Variants in SH2D4A observed in about 807,000 individuals in gnomAD.
The protein encoded by SH2D4A is SH2 domain containing 4A, also known as SH2 domain-containing protein 4A.
A neutral mutation model predicts 64.7 loss-of-function variants in SH2D4A; 70 were observed. The ratio of observed to expected loss-of-function variants is 1.08; its 90% CI spans 0.89 to 1.32. The LOEUF (loss-of-function observed/expected upper bound fraction) is 1.32, where lower values mean the gene tolerates loss of function less well. Ranked by LOEUF, SH2D4A falls within the 40% of genes most tolerant of loss-of-function variation. The pLI is 0.00. For missense variants in SH2D4A, 706 were observed against 540.1 expected (o/e 1.31, Z -3.04); for synonymous variants, 268 against 200.7 (o/e 1.34, Z -2.83).
At chr8:19,377,514 T>C (rs922322741) in intron 8 of SH2D4A, among the ~76,000 whole-genome samples, 3 of 152,244 alleles carry the variant, frequency 2.0e-5, no homozygotes, top group African/African-American at 7.2e-5. Flanking sequence ...GCTGTAAACA[T>C]ATATATTGTA....
chr8:19,317,616 G>T (rs779749331), intron 1 of SH2D4A, among the ~76,000 whole-genome samples: 1 of 152,162 alleles, frequency 6.6e-6, no homozygotes, highest in Non-Finnish European at 1.5e-5. Context: ...CAAAAGACAG[G>T]TGTAAATCAA....
At chr8:19,364,451 C>T (rs935812820) in intron 7 of SH2D4A, among the ~76,000 whole-genome samples, 169 bp downstream of exon 7, 18 of 152,090 alleles carry the variant, frequency 1.2e-4, no homozygotes, top group African/African-American at 3.6e-4. Context: ...GTGATCTGGG[C>T]GGGCATTCCT....
At chr8:19,357,098 A>T in intron 4 of SH2D4A, 105 bp from the exon 5 acceptor site, 1 of 864,832 alleles carries the variant, frequency 1.2e-6, no homozygotes, top group South Asian at 1.6e-5. Context: ...ATCCATCTGT[A>T]GGGGCGGGGG....
At chr8:19,374,234 T>A (rs2053157795) in intron 8 of SH2D4A, among the ~76,000 whole-genome samples, 1 of 152,172 alleles carries the variant, frequency 6.6e-6, no homozygotes, top group Non-Finnish European at 1.5e-5. Flanking sequence ...TGAGCAGATA[T>A]CAGCTAGTAA....
chr8:19,363,647 C>T (rs1354370692), intron 6 of SH2D4A, among the ~76,000 whole-genome samples: 1 of 152,142 alleles, frequency 6.6e-6, no homozygotes, highest in African/African-American at 2.4e-5. Context: ...GTCCTGATCT[C>T]TGCTAGTGAG....
intron 1 of SH2D4A, among the ~76,000 whole-genome samples, chr8:19,314,826 A>G (rs1563179508): frequency 6.6e-6 from 1 of 152,218 alleles, no homozygotes; most frequent in Non-Finnish European, 1.5e-5. Flanking sequence ...TTTCTGAAGA[A>G]TAGTATATAT....
At chr8:19,391,290 G>A (rs77366669) in intron 8 of SH2D4A, among the ~76,000 whole-genome samples, 2,520 of 152,234 alleles carry the variant, frequency 0.017, 88 homozygotes, top group African/African-American at 0.058. Context: ...GGAGCAGCCC[G>A]TATCTGTTGG....
chr8:19,339,247 G>A (rs1674699113), intron 4 of SH2D4A, among the ~76,000 whole-genome samples: 2 of 152,198 alleles, frequency 1.3e-5, no homozygotes, highest in Admixed American at 6.5e-5. Flanking sequence ...CACACTGGCA[G>A]CTAATTAGAT....
intron 6 of SH2D4A, among the ~76,000 whole-genome samples, chr8:19,362,218 A>T (rs970162869): frequency 2.6e-5 from 4 of 152,218 alleles, no homozygotes; most frequent in African/African-American, 9.6e-5. Flanking sequence ...TATTTGCAAG[A>T]TCCAGTAGGC....
intron 8 of SH2D4A, among the ~76,000 whole-genome samples, chr8:19,374,315 C>T (rs764510341): frequency 5.3e-5 from 8 of 152,126 alleles, no homozygotes; most frequent in Non-Finnish European, 8.8e-5. Context: ...TTCACAGGCC[C>T]CTCTGTTTCT....
chr8:19,329,084 A>G (rs1396660178), intron 2 of SH2D4A, among the ~76,000 whole-genome samples: 4 of 151,902 alleles, frequency 2.6e-5, no homozygotes, highest in Non-Finnish European at 4.4e-5. Context: ...CTCATTTCCT[A>G]TTGCCCATGG....
In SH2D4A at chr8:19,363,993, C is replaced by G. The variant is rs1399356743; in HGVS notation, c.707-79C>G. 9.5e-6 allele frequency: 13 copies of G among 1,362,506 alleles called. No individual in the cohort carries two copies. In the African/African-American group the frequency reaches 1.0e-4, roughly 11 times the overall value. The allele number at this position is 1,362,506 out of a possible 1,614,324, so 84.4% of individuals were successfully genotyped here. ...ACTGCTGAGAACCTGCGCTGCTGCC[C>G]GTTGTGCAATGAATGCTGAGCCTTC... On this transcript the variant is annotated intron_variant, in intron 6 of 9. Transcript: ENST00000265807.
At chr8:19,328,653 T>C (rs987448866) in intron 2 of SH2D4A, among the ~76,000 whole-genome samples, 2 of 152,208 alleles carry the variant, frequency 1.3e-5, no homozygotes, top group Non-Finnish European at 2.9e-5. Context: ...CTGTATATAC[T>C]GACATGCGGA....
chr8:19,337,031 C>T (rs935798478), intron 4 of SH2D4A, among the ~76,000 whole-genome samples: 2 of 152,006 alleles, frequency 1.3e-5, no homozygotes, highest in African/African-American at 4.8e-5. Flanking sequence ...TTGAGAGTGG[C>T]ACTGTTGCCT....
At chr8:19,394,095 G>A (rs1585221874) in intron 9 of SH2D4A, among the ~76,000 whole-genome samples, 3 of 152,114 alleles carry the variant, frequency 2.0e-5, no homozygotes, top group South Asian at 4.1e-4. Flanking sequence ...TTTTCCTAAG[G>A]AGCGCACAAC....
chr8:19,394,501 C>T (rs755287625), intron 9 of SH2D4A, 49 bp from the exon 10 acceptor site: 5 of 1,285,936 alleles, frequency 3.9e-6, no homozygotes, highest in Non-Finnish European at 5.4e-6. Flanking sequence ...GTAGGAAGAG[C>T]ATGTGGTCAC....
At chr8:19,354,307 A>T (rs2052756183) in intron 4 of SH2D4A, among the ~76,000 whole-genome samples, 1 of 152,150 alleles carries the variant, frequency 6.6e-6, no homozygotes, top group African/African-American at 2.4e-5. Context: ...GGGCCTAATG[A>T]GTTTTTATGC....
At chr8:19,316,043 T>C (rs75176532) in intron 1 of SH2D4A, among the ~76,000 whole-genome samples, 8,045 of 151,934 alleles carry the variant, frequency 0.053, 294 homozygotes, top group Admixed American at 0.099. Flanking sequence ...GTGTCTTGGG[T>C]GTACTGTGCT....
intron 4 of SH2D4A, among the ~76,000 whole-genome samples, chr8:19,348,525 A>G (rs1409634419): frequency 2.0e-5 from 3 of 152,140 alleles, no homozygotes; most frequent in Non-Finnish European, 4.4e-5. Context: ...TTTCAAACTA[A>G]AATTAAGAGC....
Sources: gnomAD v4.1 joint callset for allele counts (sites outside exome capture counted in the v4.1 genomes callset) on GRCh38, gnomAD v4.1.1 for gene constraint, MANE v1.5 for transcripts, NCBI Gene and HGNC (gene_info 2026-07-23, HGNC 2026-07-21) for gene names.